The following ATP8A2 variants were observed in gnomAD, a reference collection of about 807,000 sequenced individuals.
ATP8A2 encodes the protein phospholipid-transporting ATPase IB.
In ATP8A2, 100 loss-of-function variants were observed where a neutral mutation model predicts 165.6. That is an observed-to-expected ratio of 0.60 (90% CI 0.51 to 0.71). ATP8A2 has a LOEUF of 0.71. Ranked by LOEUF, ATP8A2 falls within the 30% of genes least tolerant of loss-of-function variation. The probability of loss-of-function intolerance (pLI) is 0.00; values close to 1 mark genes in which losing one functional copy is unlikely to be tolerated. For missense variants in ATP8A2, 1,227 were observed against 1,479.5 expected (o/e 0.83, Z 2.80); for synonymous variants, 543 against 548.8 (o/e 0.99, Z 0.15).
At chr13:25,686,571 A>G (rs2042605954) in intron 24 of ATP8A2, among the ~76,000 whole-genome samples, 1 of 152,150 alleles carries the variant, frequency 6.6e-6, no homozygotes, top group South Asian at 2.1e-4. Flanking sequence ...TGACACTGTA[A>G]TGTTTCAAGA....
chr13:25,706,566 C>G (rs907219255), intron 25 of ATP8A2, among the ~76,000 whole-genome samples: 2 of 152,188 alleles, frequency 1.3e-5, no homozygotes, highest in African/African-American at 4.8e-5. Flanking sequence ...TATGTCAAAA[C>G]AGAGTTCAGA....
chr13:25,574,907 CA>C, intron 19 of ATP8A2, 50 bp downstream of exon 19: 1 of 1,027,698 alleles, frequency 9.7e-7, no homozygotes, highest in Non-Finnish European at 1.5e-6. Context: ...ATTTATTTAC[CA>C]GCTTCATCAG....
intron 35 of ATP8A2, among the ~76,000 whole-genome samples, chr13:25,977,232 T>G (rs1182595226): frequency 1.3e-5 from 2 of 151,826 alleles, no homozygotes; most frequent in Non-Finnish European, 2.9e-5. Flanking sequence ...CGTTTAATCT[T>G]GTAGAGCAAA....
intron 30 of ATP8A2, among the ~76,000 whole-genome samples, chr13:25,843,993 G>C (rs1951803887): frequency 6.6e-6 from 1 of 152,146 alleles, no homozygotes; most frequent in African/African-American, 2.4e-5. Flanking sequence ...AGACTGCTCT[G>C]TAGAGAAACA....
chr13:25,898,916 G>A (rs1953650559), intron 33 of ATP8A2, among the ~76,000 whole-genome samples: 2 of 152,314 alleles, frequency 1.3e-5, no homozygotes, highest in South Asian at 4.1e-4. Flanking sequence ...CGATTTTCCA[G>A]GTGCTGTTTG....
At chr13:25,943,598 C>G (rs1955131775) in intron 33 of ATP8A2, among the ~76,000 whole-genome samples, 1 of 152,198 alleles carries the variant, frequency 6.6e-6, no homozygotes, top group Non-Finnish European at 1.5e-5. Flanking sequence ...AACGCACTCA[C>G]CTAACTATGC....
intron 27 of ATP8A2, among the ~76,000 whole-genome samples, chr13:25,802,925 A>G (rs956003744): frequency 6.6e-6 from 1 of 151,846 alleles, no homozygotes; most frequent in African/African-American, 2.4e-5. Flanking sequence ...AATAAAAACT[A>G]ATTTGTATGC....
At position 25,621,813 on chromosome 13, in the gene ATP8A2, G is replaced by A. The variant is rs146282049; in HGVS notation, c.2211+32114G>A. Among the ~76,000 whole-genome samples the A allele has an allele frequency of 2.8e-3, 425 of 152,248 alleles. 2 individuals are homozygous for A. Among genetic ancestry groups the A allele is most frequent in the African/African-American group, 9.7e-3 (403 of 41,554 alleles). On this transcript the variant is annotated intron_variant, in intron 24 of 36. Coordinates refer to ENST00000381655, the MANE Select transcript of ATP8A2 (RefSeq NM_016529.6). The stretch of plus-strand genomic sequence containing the variant: ...AAATGGGATTCCTTTAAAATCCACA[G>A]TGAGCCCACAGTTTTGTCCTGTGAC...
chr13:25,923,640 TGTAAAATAGGCATGATCATAA>T (rs1954522334), intron 33 of ATP8A2, among the ~76,000 whole-genome samples: 1 of 144,638 alleles, frequency 6.9e-6, no homozygotes, highest in Non-Finnish European at 1.5e-5. Context: ...TTTTTTTTTC[TGTAAAATAGGCATGATCATAA>T]GTCCCTCTGT....
At position 25,953,438 on chromosome 13, in the gene ATP8A2, C is replaced by T. The variant is rs1955426931; in HGVS notation, c.3184-8137C>T. On this transcript the variant is annotated intron_variant, in intron 33 of 36. Coordinates refer to ENST00000381655, the MANE Select transcript of ATP8A2 (RefSeq NM_016529.6). This position sits in a 1 kb window ranked among gnomAD's most constrained non-coding sequence, Gnocchi z 6.7. ...TCCTCACAGGTGAACTGTTGCTGCT[C>T]CACCTTTATTACATCTTTTCAAATC... Among the ~76,000 whole-genome samples, 3 of 151,300 alleles carry T rather than the reference C, an allele frequency of 2.0e-5. No homozygotes were observed. In the South Asian group the frequency reaches 6.3e-4, roughly 32 times the overall value.
intron 33 of ATP8A2, among the ~76,000 whole-genome samples, chr13:25,946,810 C>T (rs368741006): frequency 2.3e-4 from 35 of 152,296 alleles, no homozygotes; most frequent in African/African-American, 7.9e-4. Context: ...GGCAGTGGCA[C>T]GATCTTGGCT....
At chr13:25,828,426 A>G (rs1217199770) in intron 28 of ATP8A2, among the ~76,000 whole-genome samples, 1 of 152,178 alleles carries the variant, frequency 6.6e-6, no homozygotes, top group Non-Finnish European at 1.5e-5. Context: ...GAAATTATTA[A>G]CCCATATATC....
At chr13:25,837,423 CCA>C (rs72194516) in intron 29 of ATP8A2, 138 bp downstream of exon 29, 16,292 of 310,394 alleles carry the variant, frequency 0.052, 533 homozygotes, top group African/African-American at 0.075. Context: ...CACCCCACCA[CCA>C]CACACACACA....
chr13:25,961,750 A>T, intron 34 of ATP8A2, 87 bp downstream of exon 34: 1 of 1,034,526 alleles, frequency 9.7e-7, no homozygotes, highest in Non-Finnish European at 1.5e-6. Flanking sequence ...ACAGGGTATG[A>T]GAATGACAGG....
At chr13:25,830,571 C>T (rs1172134829) in intron 28 of ATP8A2, among the ~76,000 whole-genome samples, 1 of 152,066 alleles carries the variant, frequency 6.6e-6, no homozygotes. Context: ...AGGGGCCAAA[C>T]CTTCTGGGAA....
intron 33 of ATP8A2, among the ~76,000 whole-genome samples, chr13:25,914,865 G>A (rs1282184862): frequency 6.6e-6 from 1 of 152,186 alleles, no homozygotes; most frequent in Non-Finnish European, 1.5e-5. Context: ...CCAAGCCATG[G>A]CTTTCACATG....
chr13:25,782,419 C>G (rs2044904061), intron 27 of ATP8A2, among the ~76,000 whole-genome samples: 1 of 152,060 alleles, frequency 6.6e-6, no homozygotes, highest in Admixed American at 6.6e-5. Flanking sequence ...AAGTGTTGAC[C>G]ACCTACTCCA....
intron 2 of ATP8A2, among the ~76,000 whole-genome samples, chr13:25,501,243 T>G (rs573149633): frequency 2.0e-5 from 3 of 152,336 alleles, no homozygotes; most frequent in South Asian, 4.1e-4. Context: ...AACAGGAGGC[T>G]GGCACACCAC....
chr13:25,482,653 C>T (rs2137593023), intron 2 of ATP8A2, among the ~76,000 whole-genome samples: 1 of 152,256 alleles, frequency 6.6e-6, no homozygotes, highest in South Asian at 2.1e-4. Flanking sequence ...TCCCATAATT[C>T]CCATATGTTG....
Sources: allele counts gnomAD v4.1 joint callset (sites outside exome capture counted in the v4.1 genomes callset), GRCh38; gene constraint gnomAD v4.1.1; non-coding constraint Gnocchi (gnomAD v3.1); transcripts MANE v1.5; gene names NCBI Gene and HGNC (gene_info 2026-07-23, HGNC 2026-07-21).